The following BCAS3 variants were observed in gnomAD, a reference collection of about 807,000 sequenced individuals.
BCAS3 encodes BCAS3 microtubule associated cell migration factor.
Under a neutral mutation model 116.1 loss-of-function variants are expected in BCAS3, and 53 were observed. The observed-to-expected ratio is 0.46, with a 90% CI of 0.37 to 0.57. The LOEUF is 0.57. Ranked by LOEUF, BCAS3 falls within the 20% of genes least tolerant of loss-of-function variation. The pLI, the probability that BCAS3 is intolerant of heterozygous loss-of-function variation, is 0.00. For missense variants in BCAS3, 917 were observed against 1,165.4 expected (o/e 0.79, Z 3.10); for synonymous variants, 391 against 408.2 (o/e 0.96, Z 0.51).
intron 7 of BCAS3, among the ~76,000 whole-genome samples, chr17:60,868,199 A>AT (rs1337356732): frequency 6.6e-6 from 1 of 151,254 alleles, no homozygotes; most frequent in Non-Finnish European, 1.5e-5. Context: ...TAATTTTTGT[A>AT]TTTTTTTAGT....
intron 3 of BCAS3, chr17:60,688,975 A>T (rs996576646): frequency 6.6e-6 from 1 of 152,166 alleles, no homozygotes; most frequent in Non-Finnish European, 1.5e-5. Flanking sequence ...AAGCTTGATA[A>T]GAGACTAAAA....
intron 22 of BCAS3, among the ~76,000 whole-genome samples, chr17:61,112,734 G>C (rs575529423): frequency 1.5e-4 from 22 of 150,530 alleles, no homozygotes; most frequent in Non-Finnish European, 2.2e-4. Context: ...GCACCAAGCG[G>C]ACCTAATAGA....
chr17:60,847,033 G>A (rs2144785780), intron 7 of BCAS3, among the ~76,000 whole-genome samples: 1 of 152,208 alleles, frequency 6.6e-6, no homozygotes, highest in African/African-American at 2.4e-5. Context: ...TCTGTGGATT[G>A]ACCTGTTCTG....
Position 61,208,914 on chromosome 17 carries a change from T to C in BCAS3, c.2425+124350T>C, listed in dbSNP as rs541011247. ...AAAAGGAGGGCCTGTATCTCTTGTG[T>C]AGCTCAGATCCTTTGGGTATTTAAT... On this transcript the variant is annotated intron_variant, in intron 22 of 23. Transcript: ENST00000407086. This position sits in a 1 kb window ranked among gnomAD's most constrained non-coding sequence, Gnocchi z 4.5. Among the ~76,000 whole-genome samples the C allele has an allele frequency of 6.6e-6, 1 of 151,728 alleles. No homozygotes were observed. Among genetic ancestry groups the C allele is most frequent in the African/African-American group, 2.4e-5 (1 of 41,376 alleles).
chr17:60,878,684 A>T (rs2055844814), intron 9 of BCAS3, among the ~76,000 whole-genome samples: 1 of 152,018 alleles, frequency 6.6e-6, no homozygotes, highest in Non-Finnish European at 1.5e-5. Context: ...ATTTTATTTC[A>T]TATTTCTGTG....
intron 18 of BCAS3, among the ~76,000 whole-genome samples, chr17:61,039,368 T>C (rs1334966684): frequency 1.3e-5 from 2 of 152,240 alleles, no homozygotes; most frequent in African/African-American, 4.8e-5. Flanking sequence ...TTCTACTTTT[T>C]AAGCTGTTAT....
chr17:61,086,448 A>G (rs1372317092), intron 22 of BCAS3, among the ~76,000 whole-genome samples: 1 of 152,248 alleles, frequency 6.6e-6, no homozygotes, highest in African/African-American at 2.4e-5. Context: ...CATCTCATGC[A>G]ACAAGGGAGG....
Position 61,107,733 on chromosome 17 carries a change from C to T in BCAS3, c.2425+23169C>T, listed in dbSNP as rs533931844. On this transcript the variant is annotated intron_variant, in intron 22 of 23. Transcript: ENST00000407086. ...GAGTAGTATTGCATGGTATGGATGT[C>T]GCACAGTTTAGTTAACTATTCACCT... 4.6e-5 allele frequency among the ~76,000 whole-genome samples: 7 copies of T among 152,234 alleles called. No individual in the cohort carries two copies. In the South Asian group the frequency reaches 8.3e-4, roughly 18 times the overall value.
rs779842995 is a variant in BCAS3, at chr17:61,214,512, G to A, written c.2425+129948G>A. 3.9e-4 allele frequency among the ~76,000 whole-genome samples: 55 copies of A among 141,990 alleles called. No individual in the cohort carries two copies. The highest frequency in any genetic ancestry group is 7.9e-4 in the Non-Finnish European group (52 of 65,870). 93.2% of individuals were successfully genotyped at this position (141,990 alleles called of 152,430 possible). ...ATCCTGGCTAACATGGTGAAACCCC[G>A]TCTCTACTAAAAATACCAAAAAAAA... is the stretch of plus-strand genomic sequence containing the variant. On this transcript the variant is annotated intron_variant, in intron 22 of 23. Coordinates refer to ENST00000407086, the MANE Select transcript of BCAS3 (RefSeq NM_017679.5). The surrounding 1 kb of genome is among the most constrained non-coding windows in gnomAD (Gnocchi z 4.4).
rs566625706 is a variant in BCAS3, at chr17:61,105,647, G to A, written c.2425+21083G>A. Among the ~76,000 whole-genome samples, 9 of 151,986 alleles carry A rather than the reference G, an allele frequency of 5.9e-5. No individual in the cohort carries two copies. The highest frequency in any genetic ancestry group is 3.9e-4 in the Admixed American group (6 of 15,252). ...TCTCCATGTTGGTCAGGCTGGTCTC[G>A]AACTCCCCACCTCAGGTGATCCACC... On this transcript the variant is annotated intron_variant, in intron 22 of 23. Transcript: ENST00000407086. This position sits in a 1 kb window ranked among gnomAD's most constrained non-coding sequence, Gnocchi z 4.3.
At chr17:61,005,842 ATTGTGCAGG>A (rs1302453820) in intron 15 of BCAS3, among the ~76,000 whole-genome samples, 44 of 144,804 alleles carry the variant, frequency 3.0e-4, no homozygotes, top group African/African-American at 1.1e-3. Context: ...ACATGTGCAC[ATTGTGCAGG>A]TTAGTTACAT....
intron 22 of BCAS3, among the ~76,000 whole-genome samples, chr17:61,129,472 G>A (rs1006588329): frequency 1.3e-5 from 2 of 152,198 alleles, no homozygotes; most frequent in Non-Finnish European, 2.9e-5. Flanking sequence ...TAAGATGGAC[G>A]TTTTATAATG....
At chr17:61,042,891 C>CAAAA (rs35629825) in intron 19 of BCAS3, among the ~76,000 whole-genome samples, 834 of 56,248 alleles carry the variant, frequency 0.015, 1 homozygote, top group Middle Eastern at 0.033. Flanking sequence ...CTCCATCTCA[C>CAAAA]AAAAAAAAAA....
intron 22 of BCAS3, among the ~76,000 whole-genome samples, chr17:61,263,134 A>G (rs1220420274): frequency 6.6e-6 from 1 of 152,244 alleles, no homozygotes. Context: ...GTGTTCACCG[A>G]GGGGAGTCAA....
At chr17:60,950,138 A>T (rs1165905356) in intron 14 of BCAS3, among the ~76,000 whole-genome samples, 2 of 151,998 alleles carry the variant, frequency 1.3e-5, no homozygotes, top group Non-Finnish European at 2.9e-5. Flanking sequence ...TATTATTATT[A>T]GATATTATAT....
At chr17:60,757,329 A>G (rs989699533) in intron 6 of BCAS3, among the ~76,000 whole-genome samples, 2 of 17,994 alleles carry the variant, frequency 1.1e-4, no homozygotes, top group African/African-American at 1.2e-4. Context: ...AAATAATAAT[A>G]ATAAATAAAT....
intron 14 of BCAS3, among the ~76,000 whole-genome samples, chr17:60,980,025 A>G (rs2062693420): frequency 1.3e-5 from 2 of 152,064 alleles, no homozygotes; most frequent in South Asian, 4.1e-4. Context: ...TGAGTTAGGG[A>G]GGATTCCCTC....
At chr17:60,910,812 G>A in intron 12 of BCAS3, 110 bp downstream of exon 12, 4 of 1,010,220 alleles carry the variant, frequency 4.0e-6, no homozygotes, top group Non-Finnish European at 4.2e-6. Flanking sequence ...TGGAATTTTA[G>A]GAATTCAGAT....
At position 61,363,149 on chromosome 17, in the gene BCAS3, G is replaced by T. The variant is rs139764200; in HGVS notation, c.2426-5178G>T. The stretch of plus-strand genomic sequence containing the variant: ...AGTACGGAAATAAGGCCACAGGAAT[G>T]ATCTAATTAACCTGGGGTCCACAGG... On this transcript the variant is annotated intron_variant, in intron 22 of 23. Coordinates refer to ENST00000407086, the MANE Select transcript of BCAS3 (RefSeq NM_017679.5). The surrounding 1 kb of genome is among the most constrained non-coding windows in gnomAD (Gnocchi z 4.9). Among the ~76,000 whole-genome samples, 8 of 152,288 alleles carry T rather than the reference G, an allele frequency of 5.3e-5. No homozygotes were observed. The East Asian group carries it at 9.6e-4, about 18-fold the overall frequency.
Sources: allele counts gnomAD v4.1 joint callset (sites outside exome capture counted in the v4.1 genomes callset), GRCh38; gene constraint gnomAD v4.1.1; non-coding constraint Gnocchi (gnomAD v3.1); transcripts MANE v1.5; gene names NCBI Gene and HGNC (gene_info 2026-07-23, HGNC 2026-07-21).